Variants in SDHAF3 observed in about 807,000 individuals in gnomAD.
SDHAF3 encodes the protein succinate dehydrogenase assembly factor 3, mitochondrial.
SDHAF3 carries 18 observed loss-of-function variants against 11.5 expected under a neutral mutation model. The ratio of observed to expected loss-of-function variants is 1.56; its 90% confidence interval spans 1.08 to 2.32. The LOEUF is 2.32. Ranked by LOEUF, SDHAF3 falls within the 30% of genes most tolerant of loss-of-function variation. SDHAF3 has a pLI of 0.00. For missense variants in SDHAF3, 200 were observed against 154.4 expected (o/e 1.30, Z -1.57); for synonymous variants, 72 against 59.3 (o/e 1.21, Z -0.99).
chr7:97,146,848 G>A (rs111715214), intron 1 of SDHAF3, among the ~76,000 whole-genome samples: 16,182 of 150,096 alleles, frequency 0.11, 882 homozygotes, highest in Middle Eastern at 0.16. Context: ...GTGCAGTGGC[G>A]CAATCTGGGC....
At chr7:97,126,437 C>A (rs1478042182) in intron 1 of SDHAF3, among the ~76,000 whole-genome samples, 1 of 152,198 alleles carries the variant, frequency 6.6e-6, no homozygotes, top group East Asian at 1.9e-4. Flanking sequence ...CCCCCAGGTG[C>A]TGTGGCCCAG....
intron 1 of SDHAF3, among the ~76,000 whole-genome samples, chr7:97,160,364 C>T (rs1452497230): frequency 5.9e-5 from 9 of 151,932 alleles, no homozygotes; most frequent in Admixed American, 2.0e-4. Flanking sequence ...CGCCTCTGCC[C>T]GGCCGCCCCA....
At chr7:97,171,184 A>G (rs1442782326) in intron 1 of SDHAF3, among the ~76,000 whole-genome samples, 1 of 136,114 alleles carries the variant, frequency 7.3e-6, no homozygotes, top group Non-Finnish European at 1.6e-5. Context: ...TTCTCTAGGG[A>G]AAGCTTGACC....
At chr7:97,176,843 A>G (rs1190193908) in intron 1 of SDHAF3, among the ~76,000 whole-genome samples, 1 of 152,158 alleles carries the variant, frequency 6.6e-6, no homozygotes, top group Non-Finnish European at 1.5e-5. Context: ...CAAAAATGGG[A>G]AAGTTATGTA....
intron 1 of SDHAF3, among the ~76,000 whole-genome samples, chr7:97,140,748 A>G (rs1789021362): frequency 6.6e-6 from 1 of 151,522 alleles, no homozygotes; most frequent in Non-Finnish European, 1.5e-5. Flanking sequence ...GCTGAGGAGG[A>G]TGTATGTCGC....
chr7:97,151,187 G>C (rs1163644248), intron 1 of SDHAF3, among the ~76,000 whole-genome samples: 1 of 152,164 alleles, frequency 6.6e-6, no homozygotes, highest in Non-Finnish European at 1.5e-5. Context: ...AGTTGAATCT[G>C]TGATAAACTG....
At chr7:97,135,609 G>GTGTGTC (rs1206272920) in intron 1 of SDHAF3, 1 of 149,050 alleles carries the variant, frequency 6.7e-6, no homozygotes, top group African/African-American at 2.5e-5. Flanking sequence ...GTGTCTGTGT[G>GTGTGTC]TGTGTGTGTG....
chr7:97,123,409 G>A (rs1320346165), intron 1 of SDHAF3, among the ~76,000 whole-genome samples: 1 of 152,118 alleles, frequency 6.6e-6, no homozygotes, highest in Non-Finnish European at 1.5e-5. Context: ...TGGATATTTG[G>A]GTTGGTTCCA....
chr7:97,165,982 C>T (rs1789498687), intron 1 of SDHAF3, among the ~76,000 whole-genome samples: 1 of 152,114 alleles, frequency 6.6e-6, no homozygotes, highest in South Asian at 2.1e-4. Context: ...TACAAATTGC[C>T]AAGAGAGCAT....
chr7:97,129,094 CA>C (rs2115631278), intron 1 of SDHAF3, among the ~76,000 whole-genome samples: 1 of 152,238 alleles, frequency 6.6e-6, no homozygotes, highest in African/African-American at 2.4e-5. Flanking sequence ...TCAAAGGGGA[CA>C]TTTTTTGTTT....
At position 97,180,112 on chromosome 7, in the gene SDHAF3, TTAA is replaced by T. The variant is rs556645363; in HGVS notation, c.175-896_175-894del. Reference sequence around the variant, plus strand: ...AGTTGGAATATTAGGCTGAATGTACTTAATAAGAGCAAAATTAGAACATGAAAA... The same window carrying T: ...AGTTGGAATATTAGGCTGAATGTACTTAAGAGCAAAATTAGAACATGAAAA... On this transcript the variant is annotated intron_variant, in intron 1 of 1. Transcript: ENST00000432641. Among the ~76,000 whole-genome samples, 102 of 152,338 alleles carry T rather than the reference TTAA, an allele frequency of 6.7e-4. 3 individuals are homozygous for T. The East Asian group carries it at 0.017, about 26-fold the overall frequency.
At position 97,181,338 on chromosome 7, in the gene SDHAF3, T is replaced by G; in HGVS notation, c.*123T>G. 1.4e-6 allele frequency: 1 copy of G among 715,520 alleles called. No individual in the cohort carries two copies. Among genetic ancestry groups the G allele is most frequent in the Non-Finnish European group, 2.3e-6 (1 of 442,182 alleles). The allele number at this position is 715,520 out of a possible 1,614,324, so 44.3% of individuals were successfully genotyped here. On this transcript the variant is annotated 3_prime_UTR_variant, in exon 2 of 2. Transcript: ENST00000432641. Reference sequence around the variant, plus strand: ...TTATTAATGAAATACTCTTTTATTTTGGATATTATGATTGCAGTATATGGA... The same window carrying G: ...TTATTAATGAAATACTCTTTTATTTGGGATATTATGATTGCAGTATATGGA...
intron 1 of SDHAF3, chr7:97,135,122 C>T (rs767555326): frequency 4.0e-5 from 6 of 151,422 alleles, no homozygotes; most frequent in Non-Finnish European, 7.4e-5. Flanking sequence ...TCAAATTTTC[C>T]TGAAGTGGCT....
At chr7:97,177,853 T>TTA (rs1413957613) in intron 1 of SDHAF3, among the ~76,000 whole-genome samples, 1 of 152,214 alleles carries the variant, frequency 6.6e-6, no homozygotes, top group East Asian at 1.9e-4. Context: ...TACTTAACAT[T>TTA]TATAGTACCT....
In SDHAF3 at chr7:97,149,152, G is replaced by A. The variant is rs557154799; in HGVS notation, c.174+31255G>A. On this transcript the variant is annotated intron_variant, in intron 1 of 1. Transcript: ENST00000432641. ...GTCTCACTATGTTACCCAGGTTTTGGTCTTGAACTCCTGGGCTCAAGCGAT... is the reference window on the plus strand; with the variant it reads ...GTCTCACTATGTTACCCAGGTTTTGATCTTGAACTCCTGGGCTCAAGCGAT... Among the ~76,000 whole-genome samples, 187 of 151,936 alleles carry A rather than the reference G, an allele frequency of 1.2e-3. 4 individuals are homozygous for A. The highest frequency in any genetic ancestry group is 0.012 in the Admixed American group (185 of 15,242).
intron 1 of SDHAF3, among the ~76,000 whole-genome samples, chr7:97,150,434 T>C (rs373388017): frequency 6.6e-6 from 1 of 152,228 alleles, no homozygotes; most frequent in Non-Finnish European, 1.5e-5. Flanking sequence ...TCCGTGGGGC[T>C]ACATAATGGT....
At chr7:97,146,468 A>G (rs1199676544) in intron 1 of SDHAF3, among the ~76,000 whole-genome samples, 2 of 152,190 alleles carry the variant, frequency 1.3e-5, no homozygotes, top group Non-Finnish European at 2.9e-5. Context: ...TTTTATTGTG[A>G]TCGTATAAAT....
intron 1 of SDHAF3, 149 bp downstream of exon 1, chr7:97,118,046 GT>G (rs1791435270): frequency 1.0e-6 from 1 of 996,736 alleles, no homozygotes; most frequent in Non-Finnish European, 1.4e-6. Flanking sequence ...ACTTTCCAAA[GT>G]TTCTCCCACG....
intron 1 of SDHAF3, among the ~76,000 whole-genome samples, chr7:97,179,484 T>C (rs1789737943): frequency 6.6e-6 from 1 of 152,170 alleles, no homozygotes; most frequent in Non-Finnish European, 1.5e-5. Flanking sequence ...ATTTTTTTTT[T>C]TTTTTTTGCT....
Sources: gnomAD v4.1 joint callset for allele counts (sites outside exome capture counted in the v4.1 genomes callset) on GRCh38, gnomAD v4.1.1 for gene constraint, MANE v1.5 for transcripts, NCBI Gene and HGNC (gene_info 2026-07-23, HGNC 2026-07-21) for gene names.